Variants in AUTS2 observed in about 807,000 individuals in gnomAD.
AUTS2 encodes the protein activator of transcription and developmental regulator AUTS2.
In AUTS2, 17 loss-of-function variants were observed where a neutral mutation model predicts 112.4. That is an observed-to-expected ratio of 0.15 (90% CI 0.10 to 0.23). The LOEUF (loss-of-function observed/expected upper bound fraction) is 0.23, where lower values mean the gene tolerates loss of function less well. AUTS2 is among the 10% of genes least tolerant of loss of function. The pLI is 1.00. For missense variants in AUTS2, 1,510 were observed against 1,701.6 expected (o/e 0.89, Z 1.98); for synonymous variants, 751 against 702.7 (o/e 1.07, Z -1.09).
intron 6 of AUTS2, among the ~76,000 whole-genome samples, chr7:70,733,232 G>A (rs1017491193): frequency 6.6e-6 from 1 of 152,128 alleles, no homozygotes; most frequent in Admixed American, 6.5e-5. Flanking sequence ...GCAGCTTAAG[G>A]GTATCTTAAA....
intron 2 of AUTS2, among the ~76,000 whole-genome samples, chr7:70,096,561 T>C (rs1452290696): frequency 6.9e-6 from 1 of 144,000 alleles, no homozygotes; most frequent in Non-Finnish European, 1.5e-5. Context: ...ATCGCGCCAT[T>C]GCACTCCAGC....
chr7:69,692,120 C>A (rs1302674462), intron 1 of AUTS2, among the ~76,000 whole-genome samples: 1 of 152,088 alleles, frequency 6.6e-6, no homozygotes, highest in Admixed American at 6.5e-5. Context: ...TGCCAGTGGG[C>A]GTTTGGCCCA....
chr7:70,538,103 G>A (rs188402963), intron 5 of AUTS2, among the ~76,000 whole-genome samples: 107 of 152,204 alleles, frequency 7.0e-4, no homozygotes, highest in South Asian at 1.5e-3. Flanking sequence ...CAGGTGTGAT[G>A]GCGTGCACCT....
chr7:70,461,475 G>A (rs982226893), intron 5 of AUTS2, among the ~76,000 whole-genome samples: 5 of 152,188 alleles, frequency 3.3e-5, no homozygotes, highest in African/African-American at 7.2e-5. Context: ...GAGTCCCTGC[G>A]TTCCCACCCA....
rs145671325 is a variant in AUTS2 at position 70,790,635 on chromosome 7, G to A, written c.3419G>A (p.Arg1140Gln). ...CACCACCCGCTGTCTGTGGACCCTC[G>A]GCGGGAGCACGAGCGGGGAGGCCAC... ...HHHHPLSVDP[R>Q]REHERGGHLD... The change falls in exon 19 of 19, where the codon CGG (arginine) becomes CAG (glutamine). Residue 1140 changes from arginine (R) to glutamine (Q), a missense_variant. Physicochemically the swap from Arg to Gln is conservative, Grantham distance 43. Around this residue, in one of 3 missense-constraint regions of AUTS2, gnomAD observed 788 missense variants for 797.6 expected, o/e 0.99. Transcript: ENST00000342771. The surrounding 1 kb of genome is among the most constrained non-coding windows in gnomAD (Gnocchi z 7.6). 3 of 1,611,830 alleles carry A rather than the reference G, an allele frequency of 1.9e-6. No homozygotes were observed. The highest frequency in any genetic ancestry group is 2.2e-5 in the East Asian group (1 of 44,696).
At chr7:70,097,459 G>A (rs1804266038) in intron 2 of AUTS2, among the ~76,000 whole-genome samples, 1 of 152,110 alleles carries the variant, frequency 6.6e-6, no homozygotes, top group South Asian at 2.1e-4. Context: ...ATAAAATATA[G>A]AGGTGATCAC....
At chr7:69,856,329 G>T (rs1443639551) in intron 1 of AUTS2, among the ~76,000 whole-genome samples, 1 of 152,080 alleles carries the variant, frequency 6.6e-6, no homozygotes, top group African/African-American at 2.4e-5. Flanking sequence ...ACCAAGGCAG[G>T]CCTGGTGCCT....
At chr7:69,985,346 C>T (rs559339250) in intron 2 of AUTS2, among the ~76,000 whole-genome samples, 75 of 152,068 alleles carry the variant, frequency 4.9e-4, no homozygotes, top group African/African-American at 1.6e-3. Flanking sequence ...GCTGCCTTCA[C>T]GGTGCCTCTG....
intron 5 of AUTS2, among the ~76,000 whole-genome samples, chr7:70,670,859 T>G (rs1351495182): frequency 6.6e-6 from 1 of 152,212 alleles, no homozygotes; most frequent in Non-Finnish European, 1.5e-5. Context: ...GTAGCCACCC[T>G]GAAGGGGCCT....
At chr7:70,011,552 C>T (rs975569956) in intron 2 of AUTS2, among the ~76,000 whole-genome samples, 9 of 152,122 alleles carry the variant, frequency 5.9e-5, no homozygotes, top group African/African-American at 2.2e-4. Flanking sequence ...GGTGGCTTAA[C>T]CAATTGTATA....
chr7:70,088,289 A>T (rs191832327), intron 2 of AUTS2, among the ~76,000 whole-genome samples: 1 of 151,530 alleles, frequency 6.6e-6, no homozygotes, highest in Non-Finnish European at 1.5e-5. Context: ...ACGCCTGGCT[A>T]AATTTGTTTT....
intron 1 of AUTS2, among the ~76,000 whole-genome samples, chr7:69,885,749 T>C (rs1020286510): frequency 1.3e-5 from 2 of 152,336 alleles, no homozygotes; most frequent in East Asian, 3.9e-4. Flanking sequence ...CTTAGAGAGC[T>C]ATTAGAGAAT....
intron 2 of AUTS2, among the ~76,000 whole-genome samples, chr7:70,073,339 C>A (rs535108688): frequency 6.6e-6 from 1 of 151,618 alleles, no homozygotes; most frequent in Admixed American, 6.6e-5. Context: ...GGTGAAACCC[C>A]GTCTCTACTA....
intron 4 of AUTS2, among the ~76,000 whole-genome samples, chr7:70,288,194 C>T (rs1229294906): frequency 2.6e-5 from 4 of 152,020 alleles, no homozygotes; most frequent in Admixed American, 6.6e-5. Context: ...GAGTGGATCA[C>T]GAGGTCAGGA....
chr7:70,503,833 A>G (rs1798861574), intron 5 of AUTS2, among the ~76,000 whole-genome samples: 2 of 142,694 alleles, frequency 1.4e-5, no homozygotes, highest in Admixed American at 1.4e-4. Context: ...AATTGTTTTT[A>G]AAAATAAGGA....
intron 4 of AUTS2, among the ~76,000 whole-genome samples, chr7:70,428,259 AG>A (rs1345305985): frequency 6.6e-6 from 1 of 152,182 alleles, no homozygotes; most frequent in African/African-American, 2.4e-5. Context: ...GTGTGAAATT[AG>A]GGCTTTGTGG....
At chr7:70,594,689 G>A (rs186833731) in intron 5 of AUTS2, among the ~76,000 whole-genome samples, 2 of 152,296 alleles carry the variant, frequency 1.3e-5, no homozygotes, top group Admixed American at 6.5e-5. Flanking sequence ...TTGTATGGGC[G>A]GAGGTTGCAA....
At chr7:70,643,257 G>C (rs1038838743) in intron 5 of AUTS2, among the ~76,000 whole-genome samples, 8 of 152,206 alleles carry the variant, frequency 5.3e-5, no homozygotes, top group African/African-American at 1.7e-4. Flanking sequence ...CAGGTGTCTT[G>C]TGGACACGGA....
chr7:70,086,509 C>T (rs1212956108), intron 2 of AUTS2, among the ~76,000 whole-genome samples: 2 of 151,810 alleles, frequency 1.3e-5, no homozygotes, highest in East Asian at 1.9e-4. Context: ...GCTATAATGG[C>T]GGGTGCCTGT....
Sources: gnomAD v4.1 joint callset for allele counts (sites outside exome capture counted in the v4.1 genomes callset) on GRCh38, gnomAD v4.1.1 for gene constraint, gnomAD v4.1.1 regional missense constraint, Gnocchi (gnomAD v3.1) non-coding constraint, MANE v1.5 for transcripts, NCBI Gene and HGNC (gene_info 2026-07-23, HGNC 2026-07-21) for gene names.